NKAIN2: variants seen among roughly 807,000 people sequenced by gnomAD.
NKAIN2 encodes the protein sodium/potassium-transporting ATPase subunit beta-1-interacting protein 2.
Under a neutral mutation model 32.6 loss-of-function variants are expected in NKAIN2, and 14 were observed. The ratio of observed to expected loss-of-function variants is 0.43; its 90% CI spans 0.28 to 0.67. The LOEUF is 0.67. Among genes scored for constraint, NKAIN2 ranks in the 30% least tolerant of loss-of-function variants. The probability of loss-of-function intolerance (pLI) is 0.17; values close to 1 mark genes in which losing one functional copy is unlikely to be tolerated. For missense variants in NKAIN2, 198 were observed against 258.3 expected (o/e 0.77, Z 1.60); for synonymous variants, 80 against 87.2 (o/e 0.92, Z 0.46).
chr6:124,713,849 C>T (rs1243399002), intron 4 of NKAIN2, among the ~76,000 whole-genome samples: 1 of 152,166 alleles, frequency 6.6e-6, no homozygotes, highest in African/African-American at 2.4e-5. Flanking sequence ...CTATCAATGT[C>T]AGCATTCAAG....
At chr6:124,409,527 C>T (rs1163706182) in intron 3 of NKAIN2, among the ~76,000 whole-genome samples, 6 of 152,182 alleles carry the variant, frequency 3.9e-5, no homozygotes, top group Non-Finnish European at 8.8e-5. Context: ...ACCAGCCTTG[C>T]ATCCCAGGGA....
chr6:123,964,138 A>G lies in NKAIN2; in HGVS notation c.54+159884A>G, dbSNP rs146118083. ...CAAGCTGTTTTATGGTGTGATTTCCAGGAATGCATTGTGGTGTGAAGTAGA... is the reference window on the plus strand; with the variant it reads ...CAAGCTGTTTTATGGTGTGATTTCCGGGAATGCATTGTGGTGTGAAGTAGA... On this transcript the variant is annotated intron_variant, in intron 1 of 6. Coordinates refer to ENST00000368417, the MANE Select transcript of NKAIN2 (RefSeq NM_001040214.3). This position sits in a 1 kb window ranked among gnomAD's most constrained non-coding sequence, Gnocchi z 4.0. Among the ~76,000 whole-genome samples, 503 of 152,322 alleles carry G rather than the reference A, an allele frequency of 3.3e-3. 1 individual carries two copies. Among genetic ancestry groups the G allele is most frequent in the Non-Finnish European group, 5.5e-3 (376 of 68,034 alleles).
chr6:124,031,189 G>A (rs958102734), intron 1 of NKAIN2, among the ~76,000 whole-genome samples: 16 of 152,044 alleles, frequency 1.1e-4, no homozygotes, highest in Non-Finnish European at 2.1e-4. Flanking sequence ...GTAACAAGAC[G>A]TGGCCAGCAG....
intron 3 of NKAIN2, among the ~76,000 whole-genome samples, chr6:124,614,658 C>T (rs1288951581): frequency 2.0e-5 from 3 of 151,952 alleles, no homozygotes; most frequent in Non-Finnish European, 2.9e-5. Flanking sequence ...TCACTCTACT[C>T]TTTCCTTTAA....
chr6:123,875,552 C>A (rs914085467), intron 1 of NKAIN2, among the ~76,000 whole-genome samples: 1 of 151,824 alleles, frequency 6.6e-6, no homozygotes, highest in Admixed American at 6.6e-5. Context: ...AGGTAGGTAT[C>A]GTACTCATAT....
chr6:124,047,732 C>T (rs959278300), intron 1 of NKAIN2, among the ~76,000 whole-genome samples: 1 of 152,096 alleles, frequency 6.6e-6, no homozygotes, highest in Admixed American at 6.6e-5. Context: ...GTGTGCAATA[C>T]CAGGCTAATT....
intron 1 of NKAIN2, among the ~76,000 whole-genome samples, chr6:123,976,303 A>G (rs111737701): frequency 1.1e-5 from 1 of 91,774 alleles, no homozygotes; most frequent in Non-Finnish European, 2.3e-5. Flanking sequence ...GTTTCCATAT[A>G]TATGTTTCCA....
At chr6:124,102,204 G>C (rs1409465551) in intron 1 of NKAIN2, among the ~76,000 whole-genome samples, 3 of 152,160 alleles carry the variant, frequency 2.0e-5, no homozygotes, top group Non-Finnish European at 4.4e-5. Flanking sequence ...GTGGTGCGGG[G>C]ACCACTGCCC....
chr6:124,019,278 A>T (rs1828363), intron 1 of NKAIN2, among the ~76,000 whole-genome samples: 34,239 of 152,164 alleles, frequency 0.23, 4,834 homozygotes, highest in African/African-American at 0.39. Flanking sequence ...AGCCATAAAA[A>T]GTAAACAATA....
At chr6:124,472,596 G>T (rs1033967349) in intron 3 of NKAIN2, among the ~76,000 whole-genome samples, 3 of 151,886 alleles carry the variant, frequency 2.0e-5, no homozygotes, top group African/African-American at 7.3e-5. Context: ...GACACAGAAT[G>T]GGTTCGAGCA....
At chr6:124,790,561 T>A (rs149690535) in intron 4 of NKAIN2, among the ~76,000 whole-genome samples, 19 of 152,228 alleles carry the variant, frequency 1.2e-4, no homozygotes, top group African/African-American at 4.6e-4. Context: ...TAGTTTTCCA[T>A]TATCCAGATA....
intron 2 of NKAIN2, among the ~76,000 whole-genome samples, chr6:124,316,026 T>C (rs929785604): frequency 6.6e-6 from 1 of 151,990 alleles, no homozygotes; most frequent in African/African-American, 2.4e-5. Context: ...GGTTCATGAG[T>C]AAAAAATACA....
chr6:124,808,169 G>A (rs1038093912), intron 5 of NKAIN2, among the ~76,000 whole-genome samples: 1 of 151,934 alleles, frequency 6.6e-6, no homozygotes, highest in South Asian at 2.1e-4. Flanking sequence ...AAGCCAGGCA[G>A]AGACACAACC....
intron 5 of NKAIN2, 49 bp from the exon 6 acceptor site, chr6:124,818,338 G>A (rs1367567018): frequency 2.1e-6 from 2 of 957,956 alleles, no homozygotes; most frequent in East Asian, 2.4e-5. Flanking sequence ...GCTTGATCAT[G>A]GATGTATATC....
At chr6:124,229,505 T>C (rs62434674) in intron 1 of NKAIN2, among the ~76,000 whole-genome samples, 3,515 of 138,882 alleles carry the variant, frequency 0.025, 131 homozygotes, top group African/African-American at 0.094. Context: ...GATAGACAGA[T>C]AGATAGATAG....
At chr6:124,674,448 G>A (rs1174077620) in intron 4 of NKAIN2, among the ~76,000 whole-genome samples, 1 of 151,814 alleles carries the variant, frequency 6.6e-6, no homozygotes, top group African/African-American at 2.4e-5. Context: ...ATTGTTTCCG[G>A]TACTATTAAC....
intron 1 of NKAIN2, among the ~76,000 whole-genome samples, chr6:123,950,625 T>G (rs905399995): frequency 2.0e-5 from 3 of 151,914 alleles, no homozygotes; most frequent in Admixed American, 1.3e-4. Flanking sequence ...TTTGTATTTG[T>G]ATGGTATCAG....
At chr6:124,410,891 A>G (rs940007410) in intron 3 of NKAIN2, among the ~76,000 whole-genome samples, 1 of 152,144 alleles carries the variant, frequency 6.6e-6, no homozygotes, top group Admixed American at 6.5e-5. Flanking sequence ...ATATATATTT[A>G]GGATAGTTAG....
chr6:123,821,044 C>CGAG (rs1483848951), intron 1 of NKAIN2, among the ~76,000 whole-genome samples: 2 of 152,104 alleles, frequency 1.3e-5, no homozygotes, highest in Non-Finnish European at 2.9e-5. Flanking sequence ...TGGTTTACAC[C>CGAG]GAGGACATTG....
Sources: allele counts gnomAD v4.1 joint callset (sites outside exome capture counted in the v4.1 genomes callset), GRCh38; gene constraint gnomAD v4.1.1; non-coding constraint Gnocchi (gnomAD v3.1); transcripts MANE v1.5; gene names NCBI Gene and HGNC (gene_info 2026-07-23, HGNC 2026-07-21).